ATP11C: variants seen among roughly 807,000 people sequenced by gnomAD.
ATP11C encodes phospholipid-transporting ATPase IG.
A neutral mutation model predicts 97.4 loss-of-function variants in ATP11C; 36 were observed. The ratio of observed to expected loss-of-function variants is 0.37; its 90% CI spans 0.28 to 0.49. The LOEUF is 0.49. Among genes scored for constraint, ATP11C ranks in the 20% least tolerant of loss-of-function variants. The pLI, the probability that ATP11C is intolerant of heterozygous loss-of-function variation, is 0.98. For missense variants in ATP11C, 730 were observed against 824.6 expected, an observed-to-expected ratio of 0.89 and a Z score of 1.40; for synonymous variants, 275 against 290.9, an observed-to-expected ratio of 0.95 and a Z score of 0.56.
chrX:139,771,220 A>G (rs182652189), intron 19 of ATP11C, among the ~76,000 whole-genome samples: 1 of 111,422 alleles, frequency 9.0e-6, no homozygotes, highest in Admixed American at 9.5e-5. Flanking sequence ...TGATGGGTTT[A>G]TCGGGTTTCC....
At chrX:139,760,341 C>CCTGGCTACCAGCAGATA (rs11274083) in intron 22 of ATP11C, among the ~76,000 whole-genome samples, 6,671 of 111,132 alleles carry the variant, frequency 0.06, 547 homozygotes, top group African/African-American at 0.21. Flanking sequence ...CAGTGTTTGG[C>CCTGGCTACCAGCAGATA]CTGGCTACCA....
rs1166548188 is a variant in ATP11C at position 139,919,422 on chromosome X, C to A, written c.27+12594G>T. Among the ~76,000 whole-genome samples, 3 of 98,089 alleles carry A rather than the reference C, an allele frequency of 3.1e-5. No homozygotes were observed. The South Asian group carries it at 1.5e-3, about 50-fold the overall frequency. The allele number at this position is 98,089 out of a possible 115,157, so 85.2% of individuals were successfully genotyped here. A position where few individuals can be genotyped will look rare whatever the true frequency, so the allele number is the denominator to read the frequency against. On this transcript the variant is annotated intron_variant, in intron 1 of 29. Coordinates refer to ENST00000682941, the MANE Select transcript of ATP11C (RefSeq NM_001353812.2). ...GGCGGAGGTTGCAGTGAGCAGAGAT[C>A]GCAGCACTGCACTCAAACTTAAACA...
chrX:139,755,412 A>G (rs1195807352), intron 23 of ATP11C, among the ~76,000 whole-genome samples: 4 of 112,229 alleles, frequency 3.6e-5, no homozygotes, highest in Non-Finnish European at 5.6e-5. Flanking sequence ...ATATTGCCCC[A>G]GGCAATTTAC....
chrX:139,758,465 G>A (rs2081977812), intron 22 of ATP11C, among the ~76,000 whole-genome samples: 1 of 111,497 alleles, frequency 9.0e-6, no homozygotes, highest in Non-Finnish European at 1.9e-5. Context: ...ACAGCAGGAG[G>A]TGAGTGGCAG....
intron 1 of ATP11C, among the ~76,000 whole-genome samples, chrX:139,890,446 C>T (rs967620498): frequency 3.6e-5 from 4 of 111,000 alleles, no homozygotes; most frequent in South Asian, 7.7e-4. Context: ...GTGGAAGGAT[C>T]GCTTGAGCCT....
At chrX:139,745,637 T>G in intron 25 of ATP11C, 85 bp downstream of exon 25, 1 of 998,986 alleles carries the variant, frequency 1.0e-6, no homozygotes, top group African/African-American at 1.9e-5. Flanking sequence ...ACAGCTAGAG[T>G]ATGTATATGA....
At chrX:139,860,479 A>G (rs2084169541) in intron 1 of ATP11C, among the ~76,000 whole-genome samples, 1 of 112,249 alleles carries the variant, frequency 8.9e-6, no homozygotes, top group Non-Finnish European at 1.9e-5. Context: ...TGGGTCTCAT[A>G]TATCCTGTAC....
chrX:139,878,192 A>G (rs2084507262), intron 1 of ATP11C, among the ~76,000 whole-genome samples: 1 of 112,121 alleles, frequency 8.9e-6, no homozygotes, highest in Admixed American at 9.5e-5. Flanking sequence ...TGAAAATAAT[A>G]AAGGATTAGG....
At chrX:139,860,743 G>A (rs1243920992) in intron 1 of ATP11C, among the ~76,000 whole-genome samples, 2 of 111,836 alleles carry the variant, frequency 1.8e-5, no homozygotes, top group Admixed American at 1.9e-4. Flanking sequence ...GCTTGAACCC[G>A]GGAGGCAGAG....
intron 5 of ATP11C, among the ~76,000 whole-genome samples, chrX:139,809,703 C>T (rs2083126772): frequency 8.9e-6 from 1 of 111,992 alleles, no homozygotes; most frequent in African/African-American, 3.2e-5. Flanking sequence ...GTGGCTCATG[C>T]CTGTAATCCC....
chrX:139,783,119 C>T, intron 17 of ATP11C, 45 bp downstream of exon 17: 1 of 884,536 alleles, frequency 1.1e-6, no homozygotes, highest in Non-Finnish European at 1.6e-6. Context: ...TCATTTTCAA[C>T]ATTTCTCTGC....
chrX:139,738,146 C>A, intron 27 of ATP11C, 77 bp from the exon 28 acceptor site: 2 of 860,676 alleles, frequency 2.3e-6, no homozygotes, highest in South Asian at 7.3e-5. Flanking sequence ...ATTAAAATGT[C>A]GTTTGTATTT....
intron 4 of ATP11C, 47 bp downstream of exon 4, chrX:139,816,816 A>G (rs373950572): frequency 1.6e-5 from 15 of 913,147 alleles, no homozygotes; most frequent in Non-Finnish European, 2.4e-5. Flanking sequence ...TGAAATTCCA[A>G]CAAGCCTGGA....
chrX:139,919,580 C>G (rs1471563370), intron 1 of ATP11C, among the ~76,000 whole-genome samples: 4 of 111,088 alleles, frequency 3.6e-5, no homozygotes, highest in Non-Finnish European at 7.5e-5. Flanking sequence ...TATGACCCAG[C>G]AATTCCACTA....
intron 19 of ATP11C, among the ~76,000 whole-genome samples, chrX:139,773,242 ACTCTAAGTCCAATTAAAC>A (rs1342497951): frequency 2.7e-5 from 3 of 110,969 alleles, no homozygotes; most frequent in Non-Finnish European, 5.7e-5. Context: ...ACCATGCAGA[ACTCTAAGTCCAATTAAAC>A]CTCTTTTTGT....
chrX:139,767,973 A>G (rs1189823852), intron 20 of ATP11C, among the ~76,000 whole-genome samples: 1 of 111,287 alleles, frequency 9.0e-6, no homozygotes, highest in Non-Finnish European at 1.9e-5. Flanking sequence ...GTCATAAGGG[A>G]TCTAGGAGCA....
At chrX:139,863,837 G>A (rs2084241705) in intron 1 of ATP11C, among the ~76,000 whole-genome samples, 1 of 111,564 alleles carries the variant, frequency 9.0e-6, no homozygotes, top group African/African-American at 3.3e-5. Flanking sequence ...TGAGGTGGGT[G>A]GATTGCTTGA....
chrX:139,749,038 GC>G (rs1022804294), intron 24 of ATP11C, among the ~76,000 whole-genome samples: 5 of 111,795 alleles, frequency 4.5e-5, no homozygotes, highest in Non-Finnish European at 9.4e-5. Flanking sequence ...TTCAAAATAA[GC>G]CTGTGATAGA....
intron 27 of ATP11C, among the ~76,000 whole-genome samples, chrX:139,738,858 A>T (rs1470703349): frequency 1.8e-5 from 2 of 110,563 alleles, no homozygotes; most frequent in Admixed American, 1.9e-4. Context: ...TAAAGACAGG[A>T]TGCACATCAG....
Sources: gnomAD v4.1 joint callset for allele counts (sites outside exome capture counted in the v4.1 genomes callset) on GRCh38, gnomAD v4.1.1 for gene constraint, MANE v1.5 for transcripts, NCBI Gene and HGNC (gene_info 2026-07-23, HGNC 2026-07-21) for gene names.